The following ACAD11 variants were observed in gnomAD, a reference collection of about 807,000 sequenced individuals.
The protein encoded by ACAD11 is acyl-Coenzyme A dehydrogenase family, member 11.
A neutral mutation model predicts 102.2 loss-of-function variants in ACAD11; 83 were observed. The observed-to-expected ratio is 0.81, with a 90% CI of 0.68 to 0.97. The LOEUF (loss-of-function observed/expected upper bound fraction) is 0.97. Ranked by LOEUF, ACAD11 falls within the 50% of genes least tolerant of loss-of-function variation. The pLI, the probability that ACAD11 is intolerant of heterozygous loss-of-function variation, is 0.00. For synonymous variants in ACAD11, 324 were observed against 319.8 expected (o/e 1.01, Z -0.14); for missense variants, 901 against 951.7 (o/e 0.95, Z 0.70).
At chr3:132,649,878 C>A (rs1386181330) in intron 1 of ACAD11, 1 of 152,176 alleles carries the variant, frequency 6.6e-6, no homozygotes, top group African/African-American at 2.4e-5. Context: ...ACGGGCATTC[C>A]TCCTAAACCC....
chr3:132,608,037 A>T (rs181388614), intron 11 of ACAD11, among the ~76,000 whole-genome samples: 8 of 152,344 alleles, frequency 5.3e-5, no homozygotes, highest in Admixed American at 4.6e-4. Flanking sequence ...TCATAAGCGA[A>T]GGAAAAATAA....
intron 1 of ACAD11, among the ~76,000 whole-genome samples, chr3:132,656,306 A>G (rs1258911162): frequency 6.6e-6 from 1 of 152,160 alleles, no homozygotes; most frequent in Non-Finnish European, 1.5e-5. Context: ...TTGTCCCCTT[A>G]TACTGTAGTA....
rs1047613078 is a variant in ACAD11, at chr3:132,618,647, G to A, written c.1401C>T (p.Asn467=). The change falls in exon 11 of 20, where the codon AAC becomes AAT. Residue 467 remains asparagine (N), a synonymous_variant. Transcript: ENST00000264990. ...TAATGTAGTAACCTGGTGCTTGGCAGTTAAAGACATCTGGAGCAAAAAAGC... is the reference window on the plus strand; with the variant it reads ...TAATGTAGTAACCTGGTGCTTGGCAATTAAAGACATCTGGAGCAAAAAAGC... The part of the protein sequence containing the change: ...GKCFFAPDVF[N]CQAPDTGNME... 1 of 1,597,568 alleles carries A rather than the reference G, an allele frequency of 6.3e-7. No individual in the cohort carries two copies. The highest frequency in any genetic ancestry group is 8.5e-7 in the Non-Finnish European group (1 of 1,173,416).
chr3:132,579,090 G>A, intron 14 of ACAD11: 14 of 1,472,134 alleles, frequency 9.5e-6, no homozygotes, highest in Non-Finnish European at 1.3e-5. Flanking sequence ...AAATAAATGA[G>A]TTGTTTGATT....
chr3:132,569,941 A>T (rs980944879), intron 17 of ACAD11, among the ~76,000 whole-genome samples: 2 of 152,208 alleles, frequency 1.3e-5, no homozygotes, highest in Non-Finnish European at 2.9e-5. Flanking sequence ...GTTTTGCAAG[A>T]TGTTACCATT....
intron 13 of ACAD11, among the ~76,000 whole-genome samples, chr3:132,587,648 G>A (rs1229035977): frequency 1.3e-5 from 2 of 152,084 alleles, no homozygotes. Context: ...CATTGGTTGA[G>A]CAATTTTAGA....
intron 11 of ACAD11, among the ~76,000 whole-genome samples, chr3:132,615,516 G>C (rs1020652010): frequency 6.6e-6 from 1 of 152,144 alleles, no homozygotes; most frequent in Non-Finnish European, 1.5e-5. Flanking sequence ...ATGAGTTCCT[G>C]TTCTTTGCAG....
intron 17 of ACAD11, among the ~76,000 whole-genome samples, chr3:132,571,215 C>T (rs1937365240): frequency 6.6e-6 from 1 of 152,014 alleles, no homozygotes; most frequent in East Asian, 1.9e-4. Context: ...TAGTATCTCA[C>T]TGTGGCTTTT....
At chr3:132,567,842 A>C (rs1289839785) in intron 17 of ACAD11, among the ~76,000 whole-genome samples, 2 of 152,216 alleles carry the variant, frequency 1.3e-5, no homozygotes, top group Non-Finnish European at 2.9e-5. Flanking sequence ...CTTATTCAAC[A>C]TAGTATTGGA....
chr3:132,642,490 G>A (rs1221490256), intron 3 of ACAD11, among the ~76,000 whole-genome samples, 187 bp downstream of exon 3: 1 of 152,084 alleles, frequency 6.6e-6, no homozygotes, highest in African/African-American at 2.4e-5. Flanking sequence ...TTTGTTTCTT[G>A]TCTATTCCAT....
rs1938959515 is a variant in ACAD11, at chr3:132,608,482, G to T, written c.1415-3277C>A. On this transcript the variant is annotated intron_variant, in intron 11 of 19. Coordinates refer to ENST00000264990, the MANE Select transcript of ACAD11 (RefSeq NM_032169.5). ...AAAAACAAACAAACAAAAAAGCAGG[G>T]GTTGCAATCCTAGTTTCTAATAAAA... is the stretch of plus-strand genomic sequence containing the variant. Among the ~76,000 whole-genome samples the T allele has an allele frequency of 2.6e-5, 4 of 151,800 alleles. No homozygotes were observed. The South Asian group carries it at 8.3e-4, about 32-fold the overall frequency.
intron 17 of ACAD11, among the ~76,000 whole-genome samples, chr3:132,562,162 TG>T (rs1293176329): frequency 2.6e-5 from 4 of 152,346 alleles, no homozygotes; most frequent in African/African-American, 9.6e-5. Flanking sequence ...TGGAGTGCAG[TG>T]GCGCCATCTC....
intron 17 of ACAD11, 44 bp from the exon 18 acceptor site, chr3:132,561,261 G>A: frequency 3.6e-6 from 5 of 1,401,200 alleles, no homozygotes; most frequent in Non-Finnish European, 5.1e-6. Flanking sequence ...GAGCTAAGCT[G>A]GTATCTGATG....
At chr3:132,623,889 T>C (rs557556622) in intron 9 of ACAD11, among the ~76,000 whole-genome samples, 5 of 152,278 alleles carry the variant, frequency 3.3e-5, no homozygotes, top group African/African-American at 4.8e-5. Context: ...TGATTGCAAG[T>C]ACTAGCATGC....
chr3:132,619,502 T>G lies in ACAD11; in HGVS notation c.1241A>C (p.Lys414Thr), dbSNP rs41272321. The change falls in exon 10 of 20, where the codon AAG (lysine) becomes ACG (threonine). Residue 414 changes from lysine (K) to threonine (T), a missense_variant. Transcript: ENST00000264990. ...FYVQNENSVD[K>T]WGKPLVIDKL... is the part of the protein sequence containing the mutation. ...ATCAATCACTAAAGGTTTTCCCCAC[T>G]TGTCCACTGAATTTTCATTTTGAAC... 0.11 allele frequency: 171,833 copies of G among 1,588,144 alleles called. 10,080 individuals are homozygous for G. The highest frequency in any genetic ancestry group is 0.15 in the Middle Eastern group (898 of 5,956).
At chr3:132,654,018 A>C (rs1167987313) in intron 1 of ACAD11, among the ~76,000 whole-genome samples, 1 of 152,228 alleles carries the variant, frequency 6.6e-6, no homozygotes, top group Non-Finnish European at 1.5e-5. Flanking sequence ...TCTAAAAGGC[A>C]TCTTGAAACT....
At chr3:132,595,174 A>C (rs996489442) in intron 13 of ACAD11, among the ~76,000 whole-genome samples, 1 of 152,152 alleles carries the variant, frequency 6.6e-6, no homozygotes, top group Non-Finnish European at 1.5e-5. Context: ...GTGATTGGGC[A>C]AAGACTTGAA....
At chr3:132,634,799 G>A (rs1328009609) in intron 5 of ACAD11, among the ~76,000 whole-genome samples, 12 of 149,726 alleles carry the variant, frequency 8.0e-5, no homozygotes, top group South Asian at 6.3e-4. Flanking sequence ...GCAAACTATC[G>A]CAAGGACAAA....
chr3:132,619,693 C>T lies in ACAD11; in HGVS notation c.1198-148G>A, dbSNP rs1939540404. On this transcript the variant is annotated intron_variant, in intron 9 of 19. Transcript: ENST00000264990. The stretch of plus-strand genomic sequence containing the variant: ...ACCAGACACAGAAGCATAAAACATT[C>T]TAAAGGTTTGCTGATCACAAAATCA... 4 of 472,308 alleles carry T rather than the reference C, an allele frequency of 8.5e-6. No individual in the cohort carries two copies. In the Admixed American group the frequency reaches 1.3e-4, roughly 15 times the overall value. 29.3% of individuals were successfully genotyped at this position (472,308 alleles called of 1,614,324 possible).
Sources: allele counts gnomAD v4.1 joint callset (sites outside exome capture counted in the v4.1 genomes callset), GRCh38; gene constraint gnomAD v4.1.1; transcripts MANE v1.5; gene names NCBI Gene and HGNC (gene_info 2026-07-23, HGNC 2026-07-21).